The following FAM171A1 variants were observed in gnomAD, a reference collection of about 807,000 sequenced individuals.
FAM171A1 encodes family with sequence similarity 171 member A1.
FAM171A1 carries 23 observed loss-of-function variants against 74.9 expected under a neutral mutation model. The ratio of observed to expected loss-of-function variants is 0.31; its 90% CI spans 0.22 to 0.44. The LOEUF (loss-of-function observed/expected upper bound fraction) is 0.44, where lower values mean the gene tolerates loss of function less well. FAM171A1 is among the 20% of genes least tolerant of loss of function. The pLI is 1.00. For missense variants in FAM171A1, 1,162 were observed against 1,159.2 expected, an observed-to-expected ratio of 1.00 and a Z score of -0.03; for synonymous variants, 527 against 505.7, an observed-to-expected ratio of 1.04 and a Z score of -0.57.
chr10:15,271,154 G>C (rs1588524866), intron 3 of FAM171A1, among the ~76,000 whole-genome samples: 1 of 152,078 alleles, frequency 6.6e-6, no homozygotes, highest in South Asian at 2.1e-4. Flanking sequence ...TTAGACAAAT[G>C]GCTAACTAGA....
At chr10:15,351,916 G>T (rs570483216) in intron 1 of FAM171A1, among the ~76,000 whole-genome samples, 1 of 151,966 alleles carries the variant, frequency 6.6e-6, no homozygotes, top group South Asian at 2.1e-4. Flanking sequence ...GGCCAGGTGC[G>T]GTGGCTCATG....
intron 5 of FAM171A1, among the ~76,000 whole-genome samples, chr10:15,235,656 CA>C (rs1183369746): frequency 4.6e-5 from 7 of 152,140 alleles, no homozygotes; most frequent in Admixed American, 2.6e-4. Flanking sequence ...TTCATAAATG[CA>C]GACTCAGGCA....
At chr10:15,226,786 C>T (rs553052465) in intron 5 of FAM171A1, among the ~76,000 whole-genome samples, 1 of 152,136 alleles carries the variant, frequency 6.6e-6, no homozygotes, top group South Asian at 2.1e-4. Context: ...TGAATACTCC[C>T]CCCTACCCTC....
At chr10:15,322,819 C>G (rs1380917635) in intron 1 of FAM171A1, among the ~76,000 whole-genome samples, 2 of 152,302 alleles carry the variant, frequency 1.3e-5, no homozygotes, top group Middle Eastern at 6.8e-3. Flanking sequence ...AACAAATGAC[C>G]AAGGTCTTCA....
At chr10:15,278,670 G>A (rs1834927083) in intron 2 of FAM171A1, among the ~76,000 whole-genome samples, 1 of 152,172 alleles carries the variant, frequency 6.6e-6, no homozygotes, top group South Asian at 2.1e-4. Context: ...CGTATTCCAA[G>A]ATTCCAGTTC....
At chr10:15,277,206 A>G (rs991527249) in intron 2 of FAM171A1, among the ~76,000 whole-genome samples, 5 of 152,160 alleles carry the variant, frequency 3.3e-5, no homozygotes, top group African/African-American at 1.2e-4. Flanking sequence ...AAACAGCTCT[A>G]TCACTTAGGC....
intron 6 of FAM171A1, among the ~76,000 whole-genome samples, chr10:15,217,801 C>T (rs980120110): frequency 2.0e-5 from 3 of 151,876 alleles, no homozygotes; most frequent in South Asian, 2.1e-4. Context: ...CCATGCCTGG[C>T]TAATTTTTTT....
intron 1 of FAM171A1, among the ~76,000 whole-genome samples, chr10:15,292,253 T>C (rs1275913038): frequency 6.6e-6 from 1 of 152,078 alleles, no homozygotes; most frequent in Non-Finnish European, 1.5e-5. Context: ...AAGATTTCCA[T>C]ATGTGAACTT....
At chr10:15,338,235 G>A (rs116334125) in intron 1 of FAM171A1, among the ~76,000 whole-genome samples, 1,811 of 152,296 alleles carry the variant, frequency 0.012, 38 homozygotes, top group African/African-American at 0.041. Flanking sequence ...TAACACTGGT[G>A]TCTCTCAAAA....
chr10:15,319,360 G>A (rs1291131351), intron 1 of FAM171A1, among the ~76,000 whole-genome samples: 1 of 152,134 alleles, frequency 6.6e-6, no homozygotes, highest in Admixed American at 6.5e-5. Context: ...AAGATACAAT[G>A]GACTTTGGGG....
Position 15,213,138 on chromosome 10 carries a change from A to G in FAM171A1, c.2450T>C (p.Leu817Ser), listed in dbSNP as rs1355979298. The change falls in exon 8 of 8, where the codon TTG (leucine) becomes TCG (serine). Residue 817 changes from leucine to serine, a missense_variant. Transcript: ENST00000378116. This position sits in a 1 kb window ranked among gnomAD's most constrained non-coding sequence, Gnocchi z 6.8. ...TPEDSALRCL[L>S]EGSSRRSGGQ... ...ACCACTTCTCCGACTCGACCCCTCC[A>G]ACAAGCATCGCAGGGCACTGTCCTC... The G allele has an allele frequency of 3.1e-6, 5 of 1,613,968 alleles. No individual in the cohort carries two copies. Among genetic ancestry groups the G allele is most frequent in the Non-Finnish European group, 4.2e-6 (5 of 1,179,982 alleles).
chr10:15,363,316 T>C (rs1197490299), intron 1 of FAM171A1, among the ~76,000 whole-genome samples: 2 of 152,136 alleles, frequency 1.3e-5, no homozygotes, highest in Non-Finnish European at 2.9e-5. Flanking sequence ...ACAGACAACA[T>C]GGAAGAGGGT....
intron 3 of FAM171A1, among the ~76,000 whole-genome samples, chr10:15,265,132 T>C (rs868821972): frequency 6.6e-6 from 1 of 152,100 alleles, no homozygotes; most frequent in South Asian, 2.1e-4. Context: ...CAGGAAGCAG[T>C]GATAAAATTA....
chr10:15,237,610 C>T (rs150004535), intron 5 of FAM171A1: 1 of 152,160 alleles, frequency 6.6e-6, no homozygotes, highest in African/African-American at 2.4e-5. Flanking sequence ...CAACAGACAC[C>T]AACTGGCATC....
At chr10:15,237,115 G>T (rs955164397) in intron 5 of FAM171A1, among the ~76,000 whole-genome samples, 5 of 152,148 alleles carry the variant, frequency 3.3e-5, no homozygotes, top group Non-Finnish European at 7.3e-5. Flanking sequence ...GGGAAAGCCC[G>T]CAGGAAGACA....
chr10:15,363,117 G>A (rs1291485908), intron 1 of FAM171A1, among the ~76,000 whole-genome samples: 6 of 152,060 alleles, frequency 3.9e-5, no homozygotes, highest in Non-Finnish European at 7.4e-5. Flanking sequence ...TGGAAAGGAG[G>A]ATAAAGGAAA....
chr10:15,248,539 G>T, intron 5 of FAM171A1, 100 bp downstream of exon 5: 1 of 1,302,084 alleles, frequency 7.7e-7, no homozygotes, highest in African/African-American at 1.5e-5. Context: ...AGCATTCACT[G>T]ACTTCAAGGA....
chr10:15,371,324 T>C (rs1297565605), upstream of FAM171A1, among the ~76,000 whole-genome samples: 1 of 143,040 alleles, frequency 7.0e-6, no homozygotes, highest in African/African-American at 2.5e-5. Flanking sequence ...CCGCCGCCGC[T>C]GCCCGCGCCC....
chr10:15,213,737 C>A lies in FAM171A1; in HGVS notation c.1851G>T (p.Glu617Asp). 6.2e-7 allele frequency: 1 copy of A among 1,613,530 alleles called. No individual in the cohort carries two copies. The highest frequency in any genetic ancestry group is 2.2e-5 in the East Asian group (1 of 44,880). ...QQLEIERLQA[E>D]LSNPHAGIFP... ...AGATCCCGGCATGGGGATTGGACAG[C>A]TCAGCCTGTAGTCTTTCTATCTCAA... Residue 617 changes from glutamate (E) to aspartate (D), a missense_variant, in exon 8 of 8, where the codon GAG becomes GAT. Coordinates refer to ENST00000378116, the MANE Select transcript of FAM171A1 (RefSeq NM_001010924.2). The surrounding 1 kb of genome is among the most constrained non-coding windows in gnomAD (Gnocchi z 6.8).
Sources: allele counts gnomAD v4.1 joint callset (sites outside exome capture counted in the v4.1 genomes callset), GRCh38; gene constraint gnomAD v4.1.1; non-coding constraint Gnocchi (gnomAD v3.1); transcripts MANE v1.5; gene names NCBI Gene and HGNC (gene_info 2026-07-23, HGNC 2026-07-21).